The following SLC35F4 variants were observed in gnomAD, a reference collection of about 807,000 sequenced individuals.
The protein encoded by SLC35F4 is solute carrier family 35 member F4.
SLC35F4 carries 24 observed loss-of-function variants against 44.2 expected under a neutral mutation model. That is an observed-to-expected ratio of 0.54 (90% CI 0.39 to 0.76). The LOEUF is 0.76. Ranked by LOEUF, SLC35F4 falls within the 30% of genes least tolerant of loss-of-function variation. The pLI, the probability that SLC35F4 is intolerant of heterozygous loss-of-function variation, is 0.00. For synonymous variants in SLC35F4, 238 were observed against 223.6 expected (o/e 1.06, Z -0.57); for missense variants, 562 against 586.1 (o/e 0.96, Z 0.42).
chr14:57,598,777 A>G (rs1315602883), intron 1 of SLC35F4, among the ~76,000 whole-genome samples: 4 of 152,180 alleles, frequency 2.6e-5, no homozygotes, highest in Non-Finnish European at 5.9e-5. Context: ...CCTTATCCCT[A>G]TTTGCCCCAA....
At chr14:57,844,887 G>C (rs1383845689) in intron 1 of SLC35F4, among the ~76,000 whole-genome samples, 2 of 151,980 alleles carry the variant, frequency 1.3e-5, no homozygotes, top group East Asian at 3.9e-4. Flanking sequence ...CTAGTAGAGG[G>C]GTCTCTCTGT....
intron 1 of SLC35F4, among the ~76,000 whole-genome samples, chr14:57,873,593 T>A (rs923758429): frequency 6.6e-6 from 1 of 152,224 alleles, no homozygotes; most frequent in African/African-American, 2.4e-5. Flanking sequence ...GGATGTCTAC[T>A]ACAATTACAT....
At chr14:57,628,336 A>C (rs930362200) in intron 1 of SLC35F4, among the ~76,000 whole-genome samples, 6 of 142,182 alleles carry the variant, frequency 4.2e-5, no homozygotes, top group African/African-American at 1.6e-4. Flanking sequence ...TCTGGGGTAC[A>C]TGTGCAAAAC....
chr14:57,957,350 A>T (rs1182433599), intron 1 of SLC35F4, among the ~76,000 whole-genome samples: 1 of 151,974 alleles, frequency 6.6e-6, no homozygotes, highest in Non-Finnish European at 1.5e-5. Context: ...TGACAGGTTG[A>T]TGCATGCAGC....
At chr14:57,820,636 G>T (rs917686047) in intron 1 of SLC35F4, among the ~76,000 whole-genome samples, 1 of 152,184 alleles carries the variant, frequency 6.6e-6, no homozygotes, top group African/African-American at 2.4e-5. Context: ...TTTTGAAAAT[G>T]TATCTGCGGA....
intron 1 of SLC35F4, among the ~76,000 whole-genome samples, chr14:57,694,269 G>A (rs538011258): frequency 4.9e-4 from 75 of 152,146 alleles, no homozygotes; most frequent in East Asian, 2.9e-3. Flanking sequence ...GCTTTGCTTC[G>A]TTGTTTTCAA....
At chr14:57,580,385 G>C (rs991656603) in intron 4 of SLC35F4, 1 of 180,764 alleles carries the variant, frequency 5.5e-6, no homozygotes, top group African/African-American at 2.4e-5. Flanking sequence ...ATCTCTTTCA[G>C]AGAAGATAAG....
Position 57,758,072 on chromosome 14 carries a change from A to G in SLC35F4, c.103+107651T>C, listed in dbSNP as rs369468261. On this transcript the variant is annotated intron_variant, in intron 1 of 7. Coordinates refer to ENST00000556826, the MANE Select transcript of SLC35F4 (RefSeq NM_001306087.2). ...TTAATACTTTTAAAAACGTTGCACC[A>G]CTGGCTTTTCACTTGCATTATTTCT... 2.0e-5 allele frequency among the ~76,000 whole-genome samples: 3 copies of G among 149,856 alleles called. 1 individual carries two copies.
At chr14:57,858,599 C>A (rs1381174418) in intron 1 of SLC35F4, among the ~76,000 whole-genome samples, 1 of 151,578 alleles carries the variant, frequency 6.6e-6, no homozygotes, top group Non-Finnish European at 1.5e-5. Context: ...TTAATGGGTG[C>A]AGCACACCAA....
intron 1 of SLC35F4, among the ~76,000 whole-genome samples, chr14:57,861,392 T>C (rs1045790757): frequency 6.6e-6 from 1 of 152,200 alleles, no homozygotes; most frequent in Non-Finnish European, 1.5e-5. Flanking sequence ...TCTCTCCAAC[T>C]TCATTAATTT....
chr14:57,608,560 A>G (rs2071299003), intron 1 of SLC35F4, among the ~76,000 whole-genome samples: 1 of 152,120 alleles, frequency 6.6e-6, no homozygotes, highest in African/African-American at 2.4e-5. Context: ...TTGACCTTGG[A>G]CTTCCAGCCT....
chr14:57,689,172 G>T (rs1053023906), intron 1 of SLC35F4, among the ~76,000 whole-genome samples: 2 of 152,072 alleles, frequency 1.3e-5, no homozygotes, highest in Non-Finnish European at 2.9e-5. Flanking sequence ...TCGAAAATAT[G>T]TTGGCTTTTC....
chr14:57,981,233 A>G (rs1566525204), intron 1 of SLC35F4, among the ~76,000 whole-genome samples: 1 of 152,130 alleles, frequency 6.6e-6, no homozygotes. Context: ...AGACCATCCC[A>G]CTGTGCTTGA....
intron 1 of SLC35F4, among the ~76,000 whole-genome samples, chr14:57,899,354 C>T (rs1462417069): frequency 1.3e-5 from 2 of 152,124 alleles, no homozygotes; most frequent in Non-Finnish European, 2.9e-5. Context: ...CAGGTCTAAT[C>T]TGAGTGTTAA....
At chr14:57,754,858 C>T (rs572547110) in intron 1 of SLC35F4, among the ~76,000 whole-genome samples, 1 of 152,338 alleles carries the variant, frequency 6.6e-6, no homozygotes, top group South Asian at 2.1e-4. Flanking sequence ...GCAGTGTGTC[C>T]TGATTTCCCT....
intron 1 of SLC35F4, among the ~76,000 whole-genome samples, chr14:57,914,466 G>T (rs1353763092): frequency 6.6e-6 from 1 of 152,158 alleles, no homozygotes; most frequent in South Asian, 2.1e-4. Context: ...GGGAGGCTGA[G>T]GCAGGAGAAT....
At chr14:57,663,042 T>C (rs376742338) in intron 1 of SLC35F4, among the ~76,000 whole-genome samples, 4 of 152,214 alleles carry the variant, frequency 2.6e-5, no homozygotes, top group African/African-American at 9.6e-5. Flanking sequence ...GATTGCTTCA[T>C]GTCTAAGAGT....
intron 1 of SLC35F4, among the ~76,000 whole-genome samples, chr14:57,912,756 A>C (rs1273653551): frequency 6.6e-6 from 1 of 152,056 alleles, no homozygotes; most frequent in African/African-American, 2.4e-5. Flanking sequence ...TTTTGGATGA[A>C]TAGGCTATAG....
chr14:57,789,176 A>T (rs924723418), intron 1 of SLC35F4, among the ~76,000 whole-genome samples: 3 of 152,216 alleles, frequency 2.0e-5, no homozygotes, highest in African/African-American at 7.2e-5. Flanking sequence ...AGATAGAGAC[A>T]CACAAAACCC....
Sources: allele counts gnomAD v4.1 joint callset (sites outside exome capture counted in the v4.1 genomes callset), GRCh38; gene constraint gnomAD v4.1.1; transcripts MANE v1.5; gene names NCBI Gene and HGNC (gene_info 2026-07-23, HGNC 2026-07-21).